Variants in SBF2 observed in about 807,000 individuals in gnomAD.
The protein encoded by SBF2 is SET binding factor 2.
SBF2 carries 112 observed loss-of-function variants against 225.2 expected under a neutral mutation model. The ratio of observed to expected loss-of-function variants is 0.50; its 90% CI spans 0.43 to 0.58. SBF2 has a LOEUF of 0.58. SBF2 is among the 20% of genes least tolerant of loss of function. The pLI, the probability that SBF2 is intolerant of heterozygous loss-of-function variation, is 0.00. For synonymous variants in SBF2, 763 were observed against 773.3 expected, an observed-to-expected ratio of 0.99 and a Z score of 0.22; for missense variants, 1,996 against 2,206.2, an observed-to-expected ratio of 0.90 and a Z score of 1.91.
intron 1 of SBF2, among the ~76,000 whole-genome samples, chr11:10,200,979 C>T (rs1437782907): frequency 2.6e-5 from 4 of 152,194 alleles, no homozygotes; most frequent in Non-Finnish European, 5.9e-5. Context: ...ATGCTATATA[C>T]ACATTACTGA....
At chr11:10,183,834 G>T (rs55638035) in intron 2 of SBF2, among the ~76,000 whole-genome samples, 1 of 152,180 alleles carries the variant, frequency 6.6e-6, no homozygotes, top group African/African-American at 2.4e-5. Flanking sequence ...TTAGAGGCTG[G>T]GAAGGATGTG....
At position 10,211,256 on chromosome 11, in the gene SBF2, TCTC is replaced by T. The variant is rs558755380; in HGVS notation, c.56-17272_56-17270del. ...AAAATGAAGGAGGCTTCACTGTGAT[TCTC>T]CTGTCAGAGCCTGCCACAAATTCCA... On this transcript the variant is annotated intron_variant, in intron 1 of 39. Transcript: ENST00000256190. Among the ~76,000 whole-genome samples, 26 of 152,252 alleles carry T rather than the reference TCTC, an allele frequency of 1.7e-4. No individual in the cohort carries two copies. In the East Asian group the frequency reaches 4.2e-3, roughly 25 times the overall value.
intron 32 of SBF2, among the ~76,000 whole-genome samples, chr11:9,807,010 TCA>T (rs551466773): frequency 1.3e-5 from 2 of 152,214 alleles, no homozygotes; most frequent in South Asian, 4.1e-4. Flanking sequence ...CTTGGTGTCA[TCA>T]CAGTTAGTTT....
intron 16 of SBF2, among the ~76,000 whole-genome samples, chr11:9,946,171 T>C (rs1184564001): frequency 6.6e-6 from 1 of 152,168 alleles, no homozygotes; most frequent in Non-Finnish European, 1.5e-5. Context: ...AGCAAAGACA[T>C]GGAATCAACT....
At chr11:10,174,126 A>G (rs1956347656) in intron 2 of SBF2, among the ~76,000 whole-genome samples, 1 of 152,050 alleles carries the variant, frequency 6.6e-6, no homozygotes, top group Non-Finnish European at 1.5e-5. Context: ...AAAGCAACAC[A>G]GTTCCTCACC....
At chr11:10,103,318 A>C (rs1952393140) in intron 2 of SBF2, among the ~76,000 whole-genome samples, 1 of 151,894 alleles carries the variant, frequency 6.6e-6, no homozygotes, top group Non-Finnish European at 1.5e-5. Context: ...AAAGACCAAA[A>C]ACGACACACT....
intron 2 of SBF2, among the ~76,000 whole-genome samples, chr11:10,163,021 G>A (rs1025600644): frequency 1.3e-5 from 2 of 152,014 alleles, no homozygotes; most frequent in African/African-American, 4.8e-5. Flanking sequence ...AATGTATGAG[G>A]GTCGAAGACA....
intron 2 of SBF2, among the ~76,000 whole-genome samples, chr11:10,105,071 T>C (rs1398049128): frequency 1.3e-5 from 2 of 152,202 alleles, no homozygotes; most frequent in East Asian, 1.9e-4. Flanking sequence ...GTTTGCCTGA[T>C]TTTAAGGTGA....
intron 2 of SBF2, among the ~76,000 whole-genome samples, chr11:10,124,454 A>G (rs1034140761): frequency 2.0e-5 from 3 of 152,200 alleles, no homozygotes; most frequent in African/African-American, 7.2e-5. Context: ...CCAAATTTGT[A>G]TCTAATCAAT....
chr11:10,192,848 A>G (rs1957227047), intron 2 of SBF2, among the ~76,000 whole-genome samples: 1 of 152,150 alleles, frequency 6.6e-6, no homozygotes, highest in South Asian at 2.1e-4. Flanking sequence ...GTGCATATCC[A>G]TAAACACAAT....
At chr11:9,855,141 TA>T (rs1857224812) in intron 19 of SBF2, among the ~76,000 whole-genome samples, 1 of 152,172 alleles carries the variant, frequency 6.6e-6, no homozygotes, top group African/African-American at 2.4e-5. Flanking sequence ...GAGACTGTTA[TA>T]ATTAGGGCTT....
chr11:9,834,750 T>C (rs909091054), intron 26 of SBF2, among the ~76,000 whole-genome samples: 3 of 152,194 alleles, frequency 2.0e-5, no homozygotes, highest in Admixed American at 1.3e-4. Flanking sequence ...CACTTGAATA[T>C]CAGTTTTTCC....
rs533901428 is a variant in SBF2, at chr11:9,935,039, T to A, written c.1860+26918A>T. 2.0e-5 allele frequency among the ~76,000 whole-genome samples: 3 copies of A among 152,286 alleles called. No homozygotes were observed. The South Asian group carries it at 6.2e-4, about 32-fold the overall frequency. On this transcript the variant is annotated intron_variant, in intron 16 of 39. Transcript: ENST00000256190. ...TTGTCCCTGTTTGCAGATGACATGATTGTATATTTAGAAAACCCCATCGTC... is the reference window on the plus strand; with the variant it reads ...TTGTCCCTGTTTGCAGATGACATGAATGTATATTTAGAAAACCCCATCGTC...
intron 17 of SBF2, among the ~76,000 whole-genome samples, chr11:9,862,243 A>G (rs778251240): frequency 6.6e-6 from 1 of 152,224 alleles, no homozygotes; most frequent in Non-Finnish European, 1.5e-5. Flanking sequence ...GGTCAACCAC[A>G]AGCAGGGAGC....
At chr11:10,257,247 G>C (rs1960940474) in intron 1 of SBF2, among the ~76,000 whole-genome samples, 1 of 152,104 alleles carries the variant, frequency 6.6e-6, no homozygotes, top group East Asian at 1.9e-4. Context: ...GGATTTTATA[G>C]CATTGACTAA....
chr11:10,113,825 A>C (rs2135022955), intron 2 of SBF2, among the ~76,000 whole-genome samples: 1 of 151,838 alleles, frequency 6.6e-6, no homozygotes, highest in Non-Finnish European at 1.5e-5. Flanking sequence ...CTAATGAGTC[A>C]ATGTCTTTAA....
intron 24 of SBF2, 45 bp from the exon 25 acceptor site, chr11:9,842,815 C>T (rs371987451): frequency 1.7e-5 from 27 of 1,599,382 alleles, no homozygotes; most frequent in Non-Finnish European, 2.1e-5. Context: ...AATATAAAAG[C>T]ACTACTTGTA....
intron 13 of SBF2, among the ~76,000 whole-genome samples, chr11:9,986,397 A>C (rs1033405749): frequency 1.3e-5 from 2 of 152,102 alleles, no homozygotes; most frequent in African/African-American, 4.8e-5. Context: ...AACAAACCAA[A>C]TCTAAACCCA....
intron 6 of SBF2, among the ~76,000 whole-genome samples, chr11:10,027,499 T>A (rs1317847404): frequency 6.6e-6 from 1 of 152,118 alleles, no homozygotes; most frequent in Non-Finnish European, 1.5e-5. Flanking sequence ...GTAGAATTTC[T>A]GTGCAAGAAA....
Sources: gnomAD v4.1 joint callset for allele counts (sites outside exome capture counted in the v4.1 genomes callset) on GRCh38, gnomAD v4.1.1 for gene constraint, MANE v1.5 for transcripts, NCBI Gene and HGNC (gene_info 2026-07-23, HGNC 2026-07-21) for gene names.